Variants in DHX33 observed in about 807,000 individuals in gnomAD.
The protein encoded by DHX33 is ATP-dependent RNA helicase DHX33.
In DHX33, 42 loss-of-function variants were observed where a neutral mutation model predicts 72.5. That is an observed-to-expected ratio of 0.58 (90% confidence interval 0.45 to 0.75). The LOEUF (loss-of-function observed/expected upper bound fraction) is 0.75, where lower values mean the gene tolerates loss of function less well. Ranked by LOEUF, DHX33 falls within the 30% of genes least tolerant of loss-of-function variation. The pLI is 0.00. For missense variants in DHX33, 842 were observed against 917.5 expected, an observed-to-expected ratio of 0.92 and a Z score of 1.06; for synonymous variants, 358 against 366.1, an observed-to-expected ratio of 0.98 and a Z score of 0.25.
chr17:5,451,294 G>A (rs1016969131), intron 8 of DHX33, among the ~76,000 whole-genome samples: 8 of 152,074 alleles, frequency 5.3e-5, no homozygotes, highest in East Asian at 1.9e-4. Context: ...TTAGTGAGAC[G>A]GGGTTTCACC....
rs1372373239 is a variant in DHX33, at chr17:5,441,861, G to A, written c.*2344C>T. ...GGAAACTGTTCAGGTACTTAAGCTG[G>A]ACATAAATTACCCCAAGTTTTTTCT... On this transcript the variant is annotated 3_prime_UTR_variant, in exon 12 of 12. Transcript: ENST00000225296. The A allele has an allele frequency of 6.6e-6, 1 of 152,096 alleles. No homozygotes were observed. Among genetic ancestry groups the A allele is most frequent in the Admixed American group, 6.6e-5 (1 of 15,256 alleles). The allele number at this position is 152,096 out of a possible 1,614,324, so 9.4% of individuals were successfully genotyped here. A position where few individuals can be genotyped will look rare whatever the true frequency, so the allele number is the denominator to read the frequency against.
Position 5,450,293 on chromosome 17 carries a change from T to C in DHX33, c.1638A>G (p.Gln546=). 3 of 1,614,144 alleles carry C rather than the reference T, an allele frequency of 1.9e-6. No individual in the cohort carries two copies. The highest frequency in any genetic ancestry group is 2.5e-6 in the Non-Finnish European group (3 of 1,180,022). Residue 546 remains glutamine (Q), a synonymous_variant, in exon 10 of 12, where the codon CAA becomes CAG. Transcript: ENST00000225296. ...TGGATATGAACTTCTTGCGGACCCC[T>C]TGCACTTCCTCTCGCCGGGAAGGAG... ...HNPPSRREEV[Q]GVRKKFISSE... is the part of the protein sequence containing the mutation.
chr17:5,444,665 C>T lies in DHX33; in HGVS notation c.1816-152G>A. On this transcript the variant is annotated intron_variant, in intron 11 of 11. Transcript: ENST00000225296. The surrounding 1 kb of genome is among the most constrained non-coding windows in gnomAD (Gnocchi z 4.9). The stretch of plus-strand genomic sequence containing the variant: ...GGATTCTGACATTCGGAGGTGGTCA[C>T]CAAGGATCAGCAAGGTCAGGGGAAG... 3.6e-6 allele frequency: 3 copies of T among 843,278 alleles called. No individual in the cohort carries two copies. Among genetic ancestry groups the T allele is most frequent in the Non-Finnish European group, 5.4e-6 (3 of 553,566 alleles). 52.2% of individuals were successfully genotyped at this position (843,278 alleles called of 1,614,324 possible). A position where few individuals can be genotyped will look rare whatever the true frequency, so the allele number is the denominator to read the frequency against.
chr17:5,468,069 G>A (rs1904954790), intron 1 of DHX33, among the ~76,000 whole-genome samples: 1 of 151,944 alleles, frequency 6.6e-6, no homozygotes, highest in African/African-American at 2.4e-5. Flanking sequence ...CATCCTTTCC[G>A]TCCTTCAGTA....
chr17:5,461,702 C>T (rs1234964763), intron 3 of DHX33, among the ~76,000 whole-genome samples: 2 of 151,740 alleles, frequency 1.3e-5, no homozygotes, highest in East Asian at 3.9e-4. Flanking sequence ...CATGTGCCAC[C>T]ATGCCTGGAT....
At chr17:5,449,541 A>G (rs1175650758) in intron 10 of DHX33, among the ~76,000 whole-genome samples, 5 of 152,134 alleles carry the variant, frequency 3.3e-5, no homozygotes, top group Non-Finnish European at 7.4e-5. Flanking sequence ...GGTTCAAATG[A>G]TTCTCATGCC....
Position 5,444,465 on chromosome 17 carries a change from G to A in DHX33, c.1864C>T (p.Arg622Cys), listed in dbSNP as rs375543551. The change falls in exon 12 of 12, where the codon CGC (arginine) becomes TGC (cysteine). Residue 622 changes from arginine to cysteine, a missense_variant. Coordinates refer to ENST00000225296, the MANE Select transcript of DHX33 (RefSeq NM_020162.4). The surrounding 1 kb of genome is among the most constrained non-coding windows in gnomAD (Gnocchi z 4.9). Reference protein sequence around the residue: ...SSRGDVESVRRCLAHSLFMST... With the variant: ...SSRGDVESVRCCLAHSLFMST... ...ATGAAGAGGCTGTGAGCCAGGCAGC[G>A]GCGGACACTCTCCACGTCTCCTCGG... 2.5e-6 allele frequency: 4 copies of A among 1,614,154 alleles called. No homozygotes were observed. Among genetic ancestry groups the A allele is most frequent in the African/African-American group, 1.3e-5 (1 of 75,044 alleles).
At position 5,463,526 on chromosome 17, in the gene DHX33, T is replaced by C; in HGVS notation, c.450+3A>G. 2 of 1,613,804 alleles carry C rather than the reference T, an allele frequency of 1.2e-6. No individual in the cohort carries two copies. Among genetic ancestry groups the C allele is most frequent in the Non-Finnish European group, 1.7e-6 (2 of 1,179,828 alleles). On this transcript the variant is annotated splice_donor_region_variant and intron_variant, in intron 2 of 11. Transcript: ENST00000225296. The stretch of plus-strand genomic sequence containing the variant: ...TACTAATAGTCAAGAAGGAACCAGG[T>C]ACCAGCTTCCCAAGTTCAGTTCTCT...
At position 5,456,259 on chromosome 17, in the gene DHX33, T is replaced by A. The variant is rs955657182; in HGVS notation, c.850-77A>T. On this transcript the variant is annotated intron_variant, in intron 4 of 11. Coordinates refer to ENST00000225296, the MANE Select transcript of DHX33 (RefSeq NM_020162.4). ...CACAGAAAAAGACAATGGTGATTGA[T>A]GATGTTTCCCAGAGTTATTTCTCTT... 5 of 1,443,426 alleles carry A rather than the reference T, an allele frequency of 3.5e-6. No homozygotes were observed. The African/African-American group carries it at 7.0e-5, about 20-fold the overall frequency. The allele number at this position is 1,443,426 out of a possible 1,614,324, so 89.4% of individuals were successfully genotyped here.
rs377645589 is a variant in DHX33, at chr17:5,442,250, AT to A, written c.*1954del. The stretch of plus-strand genomic sequence containing the variant: ...AGCCACTGCGCCCGGCCACCCCCCA[AT>A]TTTTTTTTTTTTTTTTTTTTTTTTA... On this transcript the variant is annotated 3_prime_UTR_variant, in exon 12 of 12. Coordinates refer to ENST00000225296, the MANE Select transcript of DHX33 (RefSeq NM_020162.4). 0.076 allele frequency: 9,233 copies of A among 121,796 alleles called. 685 individuals carry two copies. The highest frequency in any genetic ancestry group is 0.21 in the African/African-American group (6,652 of 32,048). 7.5% of individuals were successfully genotyped at this position (121,796 alleles called of 1,614,324 possible).
chr17:5,460,956 C>T lies in DHX33; in HGVS notation c.832G>A (p.Val278Ile), dbSNP rs749794690. 8.7e-6 allele frequency: 14 copies of T among 1,612,602 alleles called. No individual in the cohort carries two copies. The East Asian group carries it at 1.1e-4, about 13-fold the overall frequency. Residue 278 changes from valine (V) to isoleucine (I), a missense_variant, in exon 4 of 12, where the codon GTC (valine) becomes ATC (isoleucine). Val to Ile is a conservative substitution (Grantham distance 29). Coordinates refer to ENST00000225296, the MANE Select transcript of DHX33 (RefSeq NM_020162.4). ...CACCATACCTGGTGGATCTGGAAGA[C>T]GGAGACAAGCGCGGCGTGCAGGTAA... ...NDYLHAALVS[V>I]FQIHQEAPSS...
chr17:5,450,325 G>A lies in DHX33; in HGVS notation c.1606C>T (p.His536Tyr). Residue 536 changes from histidine (H) to tyrosine (Y), a missense_variant, in exon 10 of 12, where the codon CAC becomes TAC. Transcript: ENST00000225296. ...VSLLSVDSVL[H>Y]NPPSRREEVQ... ...TCCTCTCGCCGGGAAGGAGGGTTGT[G>A]GAGGACGCTGTCCACAGACAGCAGG... 2 of 1,614,184 alleles carry A rather than the reference G, an allele frequency of 1.2e-6. No homozygotes were observed.
chr17:5,444,624 G>C lies in DHX33; in HGVS notation c.1816-111C>G. ...CACTGGGGCAAAAGCAGCCCACATT[G>C]TGAGCCTAACGATGTGGATTCTGAC... On this transcript the variant is annotated intron_variant, in intron 11 of 11. Coordinates refer to ENST00000225296, the MANE Select transcript of DHX33 (RefSeq NM_020162.4). This position sits in a 1 kb window ranked among gnomAD's most constrained non-coding sequence, Gnocchi z 4.9. 8.8e-7 allele frequency: 1 copy of C among 1,132,904 alleles called. No individual in the cohort carries two copies. 70.2% of individuals were successfully genotyped at this position (1,132,904 alleles called of 1,614,324 possible). A position where few individuals can be genotyped will look rare whatever the true frequency, so the allele number is the denominator to read the frequency against.
intron 11 of DHX33, among the ~76,000 whole-genome samples, chr17:5,445,547 T>G (rs1009161556): frequency 3.3e-5 from 5 of 152,250 alleles, no homozygotes; most frequent in Non-Finnish European, 7.3e-5. Flanking sequence ...CTTGTTCTAC[T>G]GCTCTTGATG....
chr17:5,466,960 G>A (rs1262263408), intron 1 of DHX33, among the ~76,000 whole-genome samples: 1 of 152,182 alleles, frequency 6.6e-6, no homozygotes, highest in African/African-American at 2.4e-5. Flanking sequence ...TTATCAGGAG[G>A]GATAAGAATG....
chr17:5,451,058 T>C lies in DHX33; in HGVS notation c.1397-124A>G, dbSNP rs1916885314. Reference sequence around the variant, plus strand: ...CAACAGCAAAAATCATAACCGCCACTGCCCCCTTGACACACTTGTCAAAGA... The same window carrying C: ...CAACAGCAAAAATCATAACCGCCACCGCCCCCTTGACACACTTGTCAAAGA... On this transcript the variant is annotated intron_variant, in intron 8 of 11. Transcript: ENST00000225296. The C allele has an allele frequency of 2.7e-6, 3 of 1,097,038 alleles. No homozygotes were observed. The South Asian group carries it at 4.6e-5, about 17-fold the overall frequency. The allele number at this position is 1,097,038 out of a possible 1,614,324, so 68.0% of individuals were successfully genotyped here.
intron 1 of DHX33, among the ~76,000 whole-genome samples, chr17:5,466,888 T>C (rs1235878198): frequency 2.6e-5 from 4 of 152,346 alleles, no homozygotes; most frequent in Middle Eastern, 3.4e-3. Context: ...TTTAAAACTA[T>C]TGAAGAGACA....
In DHX33 at chr17:5,455,230, G is replaced by A. The variant is rs761122694; in HGVS notation, c.1077C>T (p.Thr359=). Residue 359 remains threonine (T), a synonymous_variant, in exon 6 of 12, where the codon ACC becomes ACT. Transcript: ENST00000225296. The part of the protein sequence containing the change: ...KVIISTNIAE[T]SITITGIKYV... Reference sequence around the variant, plus strand: ...ATTTTATTCCTGTAATGGTTATGGAGGTTTCAGCGATGTTGGTTGAAATGA... The same window carrying A: ...ATTTTATTCCTGTAATGGTTATGGAAGTTTCAGCGATGTTGGTTGAAATGA... 2 of 1,614,178 alleles carry A rather than the reference G, an allele frequency of 1.2e-6. No homozygotes were observed. Among genetic ancestry groups the A allele is most frequent in the Non-Finnish European group, 8.5e-7 (1 of 1,180,032 alleles).
intron 3 of DHX33, among the ~76,000 whole-genome samples, chr17:5,461,785 G>A (rs1358664436): frequency 6.6e-6 from 1 of 151,498 alleles, no homozygotes; most frequent in Non-Finnish European, 1.5e-5. Flanking sequence ...CTGACCTCAG[G>A]TGATCCACCG....
Sources: gnomAD v4.1 joint callset for allele counts (sites outside exome capture counted in the v4.1 genomes callset) on GRCh38, gnomAD v4.1.1 for gene constraint, Gnocchi (gnomAD v3.1) non-coding constraint, MANE v1.5 for transcripts, NCBI Gene and HGNC (gene_info 2026-07-23, HGNC 2026-07-21) for gene names.